Variants in SPATA6 observed in about 807,000 individuals in gnomAD.
SPATA6 encodes spermatogenesis-associated protein 6.
Under a neutral mutation model 65.3 loss-of-function variants are expected in SPATA6, and 56 were observed. The ratio of observed to expected loss-of-function variants is 0.86; its 90% CI spans 0.69 to 1.07. The LOEUF (loss-of-function observed/expected upper bound fraction) is 1.07. SPATA6 is among the 50% of genes least tolerant of loss of function. SPATA6 has a pLI of 0.00. For missense variants in SPATA6, 590 were observed against 594.8 expected (o/e 0.99, Z 0.08); for synonymous variants, 199 against 213.2 (o/e 0.93, Z 0.58).
intron 1 of SPATA6, among the ~76,000 whole-genome samples, chr1:48,465,567 T>A (rs1297263862): frequency 6.6e-6 from 1 of 152,140 alleles, no homozygotes; most frequent in East Asian, 1.9e-4. Context: ...ACCAATATCC[T>A]AATTAAAGTT....
chr1:48,458,997 A>G (rs1229352368), intron 1 of SPATA6, among the ~76,000 whole-genome samples: 2 of 152,054 alleles, frequency 1.3e-5, no homozygotes, highest in Non-Finnish European at 2.9e-5. Context: ...TGAGGTCCGG[A>G]GTTTGAGACC....
intron 9 of SPATA6, among the ~76,000 whole-genome samples, chr1:48,362,826 G>C (rs1445884468): frequency 6.6e-6 from 1 of 152,114 alleles, no homozygotes; most frequent in East Asian, 1.9e-4. Context: ...ATGAATAATA[G>C]TTGGGCTATT....
At chr1:48,465,408 TC>T (rs2148197860) in intron 1 of SPATA6, among the ~76,000 whole-genome samples, 1 of 152,222 alleles carries the variant, frequency 6.6e-6, no homozygotes, top group Non-Finnish European at 1.5e-5. Context: ...GTTATGACAG[TC>T]CTAGGAAACT....
chr1:48,291,233 A>T (rs1644765023), downstream of SPATA6, among the ~76,000 whole-genome samples: 1 of 152,202 alleles, frequency 6.6e-6, no homozygotes, highest in African/African-American at 2.4e-5. Flanking sequence ...TGGCACTTTC[A>T]AAAGCATATC....
intron 5 of SPATA6, among the ~76,000 whole-genome samples, chr1:48,409,358 G>A (rs879250538): frequency 1.3e-5 from 2 of 152,194 alleles, no homozygotes; most frequent in African/African-American, 4.8e-5. Flanking sequence ...GGGCAGCTCC[G>A]CCCCTGTGGC....
intron 3 of SPATA6, among the ~76,000 whole-genome samples, chr1:48,432,754 T>C (rs1202458522): frequency 6.6e-6 from 1 of 152,216 alleles, no homozygotes; most frequent in Non-Finnish European, 1.5e-5. Flanking sequence ...AATTACCATA[T>C]GATCCAGCAA....
chr1:48,418,785 A>G (rs181663817), intron 3 of SPATA6, among the ~76,000 whole-genome samples: 7 of 106,190 alleles, frequency 6.6e-5, no homozygotes, highest in African/African-American at 1.5e-4. Flanking sequence ...AGGAAGGAAG[A>G]AGGGAAGGAA....
At chr1:48,338,032 G>A (rs954861446) in intron 11 of SPATA6, among the ~76,000 whole-genome samples, 7 of 151,996 alleles carry the variant, frequency 4.6e-5, no homozygotes, top group East Asian at 1.9e-4. Context: ...AAGAACAAAC[G>A]TGAAGGAGTT....
intron 11 of SPATA6, among the ~76,000 whole-genome samples, chr1:48,337,296 C>T (rs1646087030): frequency 6.6e-6 from 1 of 151,602 alleles, no homozygotes; most frequent in Non-Finnish European, 1.5e-5. Flanking sequence ...ATAATCATCT[C>T]AGTAGATACA....
the SPATA6 span, among the ~76,000 whole-genome samples, chr1:48,261,977 A>T: frequency 6.6e-6 from 1 of 152,086 alleles, no homozygotes; most frequent in East Asian, 1.9e-4. Flanking sequence ...ACCTTCTGAC[A>T]AGTTTTATAA....
intron 6 of SPATA6, among the ~76,000 whole-genome samples, chr1:48,402,108 C>A (rs77763071): frequency 0.012 from 1,858 of 151,938 alleles, 46 homozygotes; most frequent in African/African-American, 0.043. Context: ...AATGCCTTTT[C>A]TCTCATATCT....
intron 9 of SPATA6, among the ~76,000 whole-genome samples, chr1:48,369,111 T>G (rs2148851471): frequency 6.6e-6 from 1 of 152,266 alleles, no homozygotes; most frequent in East Asian, 1.9e-4. Context: ...ACAGCGGATT[T>G]TCGTGAACCG....
intron 12 of SPATA6, among the ~76,000 whole-genome samples, chr1:48,300,301 CCTTCCAGGCCTGTTAGAGATTGTAAA>C (rs1644907113): frequency 2.6e-5 from 4 of 152,066 alleles, no homozygotes; most frequent in African/African-American, 9.7e-5. Context: ...ATAGATTAGA[CCTTCCAGGCCTGTTAGAGATTGTAAA>C]GTTTCTTCCC....
intron 11 of SPATA6, among the ~76,000 whole-genome samples, chr1:48,332,207 A>G (rs1645935914): frequency 6.6e-6 from 1 of 152,210 alleles, no homozygotes; most frequent in East Asian, 1.9e-4. Flanking sequence ...ACAACATGAT[A>G]GCAGGATCAA....
At chr1:48,437,783 T>G (rs1468888520) in intron 3 of SPATA6, among the ~76,000 whole-genome samples, 4 of 143,958 alleles carry the variant, frequency 2.8e-5, no homozygotes, top group Non-Finnish European at 6.3e-5. Context: ...ATACAGAAAT[T>G]GTAATTTGCT....
In SPATA6 at chr1:48,297,392, A is replaced by G. The variant is rs1191667154; in HGVS notation, c.*1321T>C. ...CTAAAGCCTAGGACTCCTGGCTCATAGAGATAGCTCTAATGCCCTTTCTGA... is the reference window on the plus strand; with the variant it reads ...CTAAAGCCTAGGACTCCTGGCTCATGGAGATAGCTCTAATGCCCTTTCTGA... On this transcript the variant is annotated 3_prime_UTR_variant, in exon 13 of 13. Transcript: ENST00000371847. 1 of 152,134 alleles carries G rather than the reference A, an allele frequency of 6.6e-6. No homozygotes were observed. Among genetic ancestry groups the G allele is most frequent in the Non-Finnish European group, 1.5e-5 (1 of 68,006 alleles). The allele number at this position is 152,134 out of a possible 1,614,324, so 9.4% of individuals were successfully genotyped here.
chr1:48,310,304 T>A (rs1326375231), intron 11 of SPATA6, among the ~76,000 whole-genome samples: 1 of 152,186 alleles, frequency 6.6e-6, no homozygotes, highest in Non-Finnish European at 1.5e-5. Flanking sequence ...CTGGGAATGG[T>A]CTTTGAAGAA....
chr1:48,331,222 G>A (rs1395954419), intron 11 of SPATA6, among the ~76,000 whole-genome samples: 3 of 152,128 alleles, frequency 2.0e-5, no homozygotes, highest in African/African-American at 7.2e-5. Flanking sequence ...GTTCTTAACT[G>A]AGCTGAGATG....
At chr1:48,377,545 A>T (rs928964140) in intron 9 of SPATA6, among the ~76,000 whole-genome samples, 4 of 152,166 alleles carry the variant, frequency 2.6e-5, no homozygotes, top group African/African-American at 7.2e-5. Flanking sequence ...CCATCTCAGT[A>T]CATAATGTCA....
Sources: gnomAD v4.1 joint callset for allele counts (sites outside exome capture counted in the v4.1 genomes callset) on GRCh38, gnomAD v4.1.1 for gene constraint, MANE v1.5 for transcripts, NCBI Gene and HGNC (gene_info 2026-07-23, HGNC 2026-07-21) for gene names.